The following ERC2 variants were observed in gnomAD, a reference collection of about 807,000 sequenced individuals.
ERC2 encodes the protein ERC protein 2.
ERC2 carries 42 observed loss-of-function variants against 114.8 expected under a neutral mutation model. That is an observed-to-expected ratio of 0.37 (90% confidence interval 0.29 to 0.47). The LOEUF (loss-of-function observed/expected upper bound fraction) is 0.47. Ranked by LOEUF, ERC2 falls within the 20% of genes least tolerant of loss-of-function variation. The probability of loss-of-function intolerance (pLI) is 0.99; values close to 1 mark genes in which losing one functional copy is unlikely to be tolerated. For missense variants in ERC2, 939 were observed against 1,150.7 expected (o/e 0.82, Z 2.66); for synonymous variants, 454 against 425.5 (o/e 1.07, Z -0.82).
intron 9 of ERC2, among the ~76,000 whole-genome samples, chr3:56,007,701 A>G (rs1232282103): frequency 6.6e-6 from 1 of 152,136 alleles, no homozygotes; most frequent in Non-Finnish European, 1.5e-5. Context: ...CAAATACGAA[A>G]GAAAATACTG....
intron 2 of ERC2, among the ~76,000 whole-genome samples, chr3:56,421,681 C>G (rs1292760610): frequency 6.6e-6 from 1 of 152,140 alleles, no homozygotes; most frequent in Non-Finnish European, 1.5e-5. Flanking sequence ...ATAGGAGAGA[C>G]AGAGCAGAGA....
At chr3:55,561,525 T>C (rs2056018454) in intron 17 of ERC2, among the ~76,000 whole-genome samples, 2 of 152,164 alleles carry the variant, frequency 1.3e-5, no homozygotes, top group South Asian at 2.1e-4. Context: ...TGCCTGCACA[T>C]CACTGGTCTT....
chr3:55,650,052 C>G (rs1033305178), intron 17 of ERC2, among the ~76,000 whole-genome samples: 6 of 152,310 alleles, frequency 3.9e-5, no homozygotes, highest in African/African-American at 1.4e-4. Flanking sequence ...CCCTCCAAGC[C>G]TGATTCCTCA....
At chr3:55,863,618 A>G (rs2149266519) in intron 14 of ERC2, among the ~76,000 whole-genome samples, 1 of 152,248 alleles carries the variant, frequency 6.6e-6, no homozygotes, top group South Asian at 2.1e-4. Flanking sequence ...AAAAAAGTAC[A>G]CCAAAAAGAA....
intron 7 of ERC2, among the ~76,000 whole-genome samples, chr3:56,028,872 T>C (rs530502448): frequency 1.6e-3 from 249 of 152,206 alleles, no homozygotes; most frequent in South Asian, 3.1e-3. Flanking sequence ...GGCATCTTTG[T>C]TTTTATCCTG....
intron 3 of ERC2, among the ~76,000 whole-genome samples, chr3:56,176,522 T>C (rs2082988626): frequency 6.6e-6 from 1 of 152,196 alleles, no homozygotes; most frequent in African/African-American, 2.4e-5. Context: ...AAATCCTGAT[T>C]GGGCCCTTAC....
chr3:55,831,935 G>A (rs1054157362), intron 14 of ERC2, among the ~76,000 whole-genome samples: 4 of 152,184 alleles, frequency 2.6e-5, no homozygotes, highest in African/African-American at 9.7e-5. Flanking sequence ...CTTAAAAAAC[G>A]GCACACCAGG....
intron 17 of ERC2, among the ~76,000 whole-genome samples, chr3:55,678,355 T>G (rs2061907686): frequency 6.6e-6 from 1 of 152,172 alleles, no homozygotes; most frequent in Non-Finnish European, 1.5e-5. Flanking sequence ...AATCTCATGT[T>G]GTACCCCTTA....
At chr3:55,921,007 C>A (rs759926512) in intron 13 of ERC2, among the ~76,000 whole-genome samples, 1 of 152,108 alleles carries the variant, frequency 6.6e-6, no homozygotes. Flanking sequence ...CATAACCACT[C>A]GGTTCTGGTG....
At chr3:55,672,042 G>A (rs762815853) in intron 17 of ERC2, among the ~76,000 whole-genome samples, 1 of 152,090 alleles carries the variant, frequency 6.6e-6, no homozygotes, top group Non-Finnish European at 1.5e-5. Flanking sequence ...ATGCCTTTAT[G>A]ACTATTTTTT....
At chr3:55,686,470 G>A (rs897119446) in intron 16 of ERC2, among the ~76,000 whole-genome samples, 7 of 152,162 alleles carry the variant, frequency 4.6e-5, no homozygotes, top group Non-Finnish European at 5.9e-5. Flanking sequence ...GTGTCCGTTT[G>A]GGGAATAAAA....
chr3:55,917,590 A>G (rs764701482), intron 13 of ERC2, among the ~76,000 whole-genome samples: 15 of 152,190 alleles, frequency 9.9e-5, no homozygotes, highest in Admixed American at 7.2e-4. Flanking sequence ...GAATAGGCAA[A>G]TCCATAAAGA....
intron 2 of ERC2, among the ~76,000 whole-genome samples, chr3:56,385,507 C>T (rs140305724): frequency 7.2e-4 from 110 of 152,300 alleles, no homozygotes; most frequent in African/African-American, 2.6e-3. Context: ...GGACACCATA[C>T]ACCATATACC....
chr3:55,750,031 C>T (rs919635293), intron 14 of ERC2, among the ~76,000 whole-genome samples: 19 of 152,222 alleles, frequency 1.2e-4, no homozygotes, highest in Middle Eastern at 3.4e-3. Context: ...AAAGAGCAGT[C>T]TAATGTTGTT....
rs115496623 is a variant in ERC2, at chr3:55,897,057, C to T, written c.2404-8508G>A. ...TGTTTACGCATGGCTCTGGAGAAAT[C>T]GTCGGATCTTTTAAAGTGAACAGTG... On this transcript the variant is annotated intron_variant, in intron 13 of 17. Coordinates refer to ENST00000288221, the MANE Select transcript of ERC2 (RefSeq NM_015576.3). Among the ~76,000 whole-genome samples, 687 of 152,292 alleles carry T rather than the reference C, an allele frequency of 4.5e-3. 6 individuals are homozygous for T. Among genetic ancestry groups the T allele is most frequent in the African/African-American group, 0.016 (650 of 41,558 alleles).
rs1252988171 is a variant in ERC2, at chr3:56,352,042, T to G, written c.658-55607A>C. Among the ~76,000 whole-genome samples, 5 of 152,174 alleles carry G rather than the reference T, an allele frequency of 3.3e-5. No individual in the cohort carries two copies. The East Asian group carries it at 9.6e-4, about 29-fold the overall frequency. ...GAAGTGGAAGGAAGGCTGGAGAGAT[T>G]ACCAGGGACAGGGTTTTGCATGCCA... On this transcript the variant is annotated intron_variant, in intron 2 of 17. Transcript: ENST00000288221.
intron 15 of ERC2, among the ~76,000 whole-genome samples, chr3:55,702,755 G>A (rs954922038): frequency 6.6e-6 from 1 of 152,126 alleles, no homozygotes; most frequent in Non-Finnish European, 1.5e-5. Flanking sequence ...CATACATAAT[G>A]GTCCACAGCC....
At chr3:55,649,407 C>T (rs368906941) in intron 17 of ERC2, among the ~76,000 whole-genome samples, 2 of 151,756 alleles carry the variant, frequency 1.3e-5, no homozygotes, top group African/African-American at 2.4e-5. Flanking sequence ...ACTACAGGCG[C>T]GCACCACCAG....
At chr3:56,171,007 G>C (rs139235422) in intron 4 of ERC2, among the ~76,000 whole-genome samples, 1 of 151,748 alleles carries the variant, frequency 6.6e-6, no homozygotes, top group Admixed American at 6.6e-5. Context: ...CTCATGATCC[G>C]CCTGCCTCGG....
Sources: allele counts gnomAD v4.1 joint callset (sites outside exome capture counted in the v4.1 genomes callset), GRCh38; gene constraint gnomAD v4.1.1; transcripts MANE v1.5; gene names NCBI Gene and HGNC (gene_info 2026-07-23, HGNC 2026-07-21).